ANKRD45: variants seen among roughly 807,000 people sequenced by gnomAD.
The protein encoded by ANKRD45 is ankyrin repeat domain-containing protein 45.
ANKRD45 carries 21 observed loss-of-function variants against 28.1 expected under a neutral mutation model. That is an observed-to-expected ratio of 0.75 (90% CI 0.53 to 1.08). The LOEUF (loss-of-function observed/expected upper bound fraction) is 1.08. ANKRD45 is among the 50% of genes least tolerant of loss of function. The pLI is 0.00. For missense variants in ANKRD45, 261 were observed against 308.7 expected (o/e 0.85, Z 1.16); for synonymous variants, 86 against 103.9 (o/e 0.83, Z 1.05).
chr1:173,693,921 C>T, the ANKRD45 span, among the ~76,000 whole-genome samples: 2 of 152,208 alleles, frequency 1.3e-5, no homozygotes, highest in Admixed American at 1.3e-4. Context: ...GAAGAGCAAT[C>T]TGGCTGGTTT....
At chr1:173,646,048 A>G (rs1029679680) in intron 3 of ANKRD45, among the ~76,000 whole-genome samples, 4 of 152,238 alleles carry the variant, frequency 2.6e-5, no homozygotes, top group African/African-American at 7.2e-5. Context: ...AATTCAATAA[A>G]TGCTTGCTAA....
chr1:173,609,746 T>A lies in ANKRD45; in HGVS notation c.*399A>T, dbSNP rs76835727. On this transcript the variant is annotated 3_prime_UTR_variant, in exon 6 of 6. Coordinates refer to ENST00000333279, the MANE Select transcript of ANKRD45 (RefSeq NM_198493.3). ...GGTCTTAATATTTCCTTGCTCCAAG[T>A]GTCATTCCATAAGATTTCCTTTTTA... 0.019 allele frequency: 3,090 copies of A among 164,788 alleles called. 43 individuals carry two copies. Among genetic ancestry groups the A allele is most frequent in the Middle Eastern group, 0.07 (23 of 328 alleles). The allele number at this position is 164,788 out of a possible 1,614,324, so 10.2% of individuals were successfully genotyped here.
chr1:173,665,199 T>C (rs1669955955), intron 1 of ANKRD45, among the ~76,000 whole-genome samples: 1 of 152,134 alleles, frequency 6.6e-6, no homozygotes, highest in African/African-American at 2.4e-5. Context: ...AAACTAGGTC[T>C]TGCTACATTG....
chr1:173,620,107 G>C (rs1201341103), intron 5 of ANKRD45, among the ~76,000 whole-genome samples: 6 of 152,102 alleles, frequency 3.9e-5, no homozygotes, highest in African/African-American at 9.7e-5. Flanking sequence ...AAGCACACTT[G>C]ATAGATATCT....
the ANKRD45 span, among the ~76,000 whole-genome samples, chr1:173,689,972 A>G: frequency 6.7e-6 from 1 of 149,184 alleles, no homozygotes. Flanking sequence ...AGAATTGGTC[A>G]ATTTGGTCTG....
intron 3 of ANKRD45, among the ~76,000 whole-genome samples, chr1:173,632,831 G>A (rs948470893): frequency 6.6e-6 from 1 of 151,840 alleles, no homozygotes; most frequent in African/African-American, 2.4e-5. Flanking sequence ...CAAAAAACTG[G>A]GTATAGTAGG....
rs564655224 is a variant in ANKRD45, at chr1:173,620,666, C to T, written c.730+4121G>A. ...CTAGATGACGAGTTAGTGGGTGCAG[C>T]GCACCAGCATGGCACATGTATACAT... On this transcript the variant is annotated intron_variant, in intron 5 of 5. Transcript: ENST00000333279. 1.1e-4 allele frequency among the ~76,000 whole-genome samples: 17 copies of T among 151,934 alleles called. 1 individual carries two copies. The highest frequency in any genetic ancestry group is 5.9e-4 in the Admixed American group (9 of 15,282).
chr1:173,620,687 T>C (rs1454477348), intron 5 of ANKRD45, among the ~76,000 whole-genome samples: 2 of 151,900 alleles, frequency 1.3e-5, no homozygotes, highest in African/African-American at 2.4e-5. Context: ...GGCACATGTA[T>C]ACATATGTAA....
At chr1:173,667,586 G>A in intron 1 of ANKRD45, 2 of 267,348 alleles carry the variant, frequency 7.5e-6, no homozygotes, top group South Asian at 3.6e-5. Context: ...GGCGCCTGTA[G>A]TCCCAGCCAC....
rs894284303 is a variant in ANKRD45, at chr1:173,609,851, A to T, written c.*294T>A. On this transcript the variant is annotated 3_prime_UTR_variant, in exon 6 of 6. Coordinates refer to ENST00000333279, the MANE Select transcript of ANKRD45 (RefSeq NM_198493.3). ...GAATGCCTCAATTACACAGAAAATT[A>T]TTAGATTCTCTGAGTAGTTCTTAAA... The T allele has an allele frequency of 3.5e-6, 1 of 285,238 alleles. No individual in the cohort carries two copies. The highest frequency in any genetic ancestry group is 6.5e-6 in the Non-Finnish European group (1 of 154,882). 17.7% of individuals were successfully genotyped at this position (285,238 alleles called of 1,614,324 possible). A position where few individuals can be genotyped will look rare whatever the true frequency, so the allele number is the denominator to read the frequency against.
intron 3 of ANKRD45, among the ~76,000 whole-genome samples, chr1:173,627,721 C>G (rs1213767638): frequency 2.0e-5 from 3 of 152,008 alleles, no homozygotes; most frequent in African/African-American, 7.3e-5. Flanking sequence ...AATTCCTGGG[C>G]AAGTCCTAGT....
At chr1:173,638,351 A>G (rs1259205621) in intron 3 of ANKRD45, among the ~76,000 whole-genome samples, 1 of 152,148 alleles carries the variant, frequency 6.6e-6, no homozygotes, top group African/African-American at 2.4e-5. Context: ...TAGGCGAGAC[A>G]TCCCTAGCAC....
chr1:173,677,775 TA>T, the ANKRD45 span, among the ~76,000 whole-genome samples: 2 of 151,014 alleles, frequency 1.3e-5, no homozygotes, highest in Admixed American at 6.6e-5. Context: ...ACCTTAATTT[TA>T]AAAAAAAACA....
rs1012967825 is a variant in ANKRD45, at chr1:173,647,970, GT to G, written c.329-958del. The stretch of plus-strand genomic sequence containing the variant: ...AGATATTTTTTTTTTTTTAGATGGA[GT>G]CTTTCGCTGTTGCCAGGCTGGAGTG... On this transcript the variant is annotated intron_variant, in intron 2 of 5. Coordinates refer to ENST00000333279, the MANE Select transcript of ANKRD45 (RefSeq NM_198493.3). 1.5e-4 allele frequency among the ~76,000 whole-genome samples: 23 copies of G among 151,868 alleles called. 2 individuals carry two copies. The highest frequency in any genetic ancestry group is 6.8e-3 in the Middle Eastern group (2 of 294).
intron 2 of ANKRD45, among the ~76,000 whole-genome samples, chr1:173,650,028 G>C (rs1669110791): frequency 6.6e-6 from 1 of 152,118 alleles, no homozygotes; most frequent in Non-Finnish European, 1.5e-5. Context: ...TCACTATTGA[G>C]ACATATATAC....
intron 3 of ANKRD45, chr1:173,637,048 T>A (rs970383653): frequency 9.0e-6 from 13 of 1,440,468 alleles, no homozygotes; most frequent in African/African-American, 7.1e-5. Flanking sequence ...TAAATGCATA[T>A]GCAAATGTAG....
intron 3 of ANKRD45, among the ~76,000 whole-genome samples, chr1:173,632,539 A>C (rs1668240709): frequency 6.6e-6 from 1 of 151,704 alleles, no homozygotes; most frequent in Non-Finnish European, 1.5e-5. Flanking sequence ...AAAAAAAAAA[A>C]AAACAAAACA....
the ANKRD45 span, among the ~76,000 whole-genome samples, chr1:173,714,093 A>T: frequency 6.6e-6 from 1 of 151,130 alleles, no homozygotes; most frequent in Non-Finnish European, 1.5e-5. Flanking sequence ...TAGATTCTAC[A>T]TAAAGAACAG....
At chr1:173,654,908 T>C (rs1669427337) in intron 2 of ANKRD45, among the ~76,000 whole-genome samples, 1 of 152,236 alleles carries the variant, frequency 6.6e-6, no homozygotes. Context: ...AGCTTGTGCA[T>C]GCATCACATA....
Sources: gnomAD v4.1 joint callset for allele counts (sites outside exome capture counted in the v4.1 genomes callset) on GRCh38, gnomAD v4.1.1 for gene constraint, MANE v1.5 for transcripts, NCBI Gene and HGNC (gene_info 2026-07-23, HGNC 2026-07-21) for gene names.